Variants in NLGN1 observed in about 807,000 individuals in gnomAD.
The protein encoded by NLGN1 is neuroligin-1.
A neutral mutation model predicts 65.5 loss-of-function variants in NLGN1; 12 were observed. The observed-to-expected ratio is 0.18, with a 90% CI of 0.12 to 0.30. The LOEUF (loss-of-function observed/expected upper bound fraction) is 0.30. Ranked by LOEUF, NLGN1 falls within the 10% of genes least tolerant of loss-of-function variation. The pLI is 1.00. For missense variants in NLGN1, 750 were observed against 1,007.1 expected (o/e 0.74, Z 3.46); for synonymous variants, 350 against 359.5 (o/e 0.97, Z 0.30).
chr3:173,748,047 A>G (rs1472098329), intron 3 of NLGN1, among the ~76,000 whole-genome samples: 4 of 151,604 alleles, frequency 2.6e-5, no homozygotes, highest in Non-Finnish European at 5.9e-5. Context: ...TGATCTGCCC[A>G]TCTCTACCTC....
intron 3 of NLGN1, among the ~76,000 whole-genome samples, chr3:173,674,956 G>A (rs920287170): frequency 6.6e-6 from 1 of 151,906 alleles, no homozygotes; most frequent in African/African-American, 2.4e-5. Flanking sequence ...GTTTCTGTAT[G>A]ATAAGATTAT....
At chr3:173,472,404 T>A (rs888435200) in intron 2 of NLGN1, among the ~76,000 whole-genome samples, 2 of 152,118 alleles carry the variant, frequency 1.3e-5, no homozygotes, top group Non-Finnish European at 2.9e-5. Flanking sequence ...GTATAGAAAG[T>A]TTAAATGTGA....
intron 4 of NLGN1, among the ~76,000 whole-genome samples, chr3:173,993,581 G>A (rs937500548): frequency 4.6e-5 from 7 of 152,020 alleles, no homozygotes; most frequent in Non-Finnish European, 1.5e-5. Flanking sequence ...GCAGGTCCCA[G>A]ACATGTTTGT....
intron 4 of NLGN1, among the ~76,000 whole-genome samples, chr3:174,194,493 C>A: frequency 6.6e-6 from 1 of 151,502 alleles, no homozygotes; most frequent in Non-Finnish European, 1.5e-5. Flanking sequence ...CTCCATCATT[C>A]TTTTGTGACA....
intron 4 of NLGN1, among the ~76,000 whole-genome samples, chr3:174,115,446 A>T (rs1312195175): frequency 6.6e-6 from 1 of 152,178 alleles, no homozygotes; most frequent in Non-Finnish European, 1.5e-5. Context: ...CTTCTGCATT[A>T]CCCTAAGCAA....
intron 3 of NLGN1, among the ~76,000 whole-genome samples, chr3:173,752,394 T>G (rs1316483389): frequency 6.6e-6 from 1 of 152,018 alleles, no homozygotes; most frequent in Non-Finnish European, 1.5e-5. Flanking sequence ...CAGAGATCCC[T>G]CCCTGATCTT....
chr3:173,397,435 T>G (rs866702473), upstream of NLGN1, among the ~76,000 whole-genome samples: 3 of 151,816 alleles, frequency 2.0e-5, no homozygotes, highest in South Asian at 6.2e-4. Flanking sequence ...TCTTCTTCTG[T>G]GCCGCTAACC....
intron 3 of NLGN1, among the ~76,000 whole-genome samples, chr3:173,618,427 C>G (rs1044100879): frequency 6.6e-6 from 1 of 152,102 alleles, no homozygotes; most frequent in Non-Finnish European, 1.5e-5. Flanking sequence ...TAACTGCTGA[C>G]TGCAAGCGAT....
At position 173,604,493 on chromosome 3, in the gene NLGN1, C is replaced by T. The variant is rs1577489521; in HGVS notation, c.-106C>T. The stretch of plus-strand genomic sequence containing the variant: ...TCAGAGCTTTTCTCGACAAGCTCCC[C>T]TGTAAGAAATCGGAGGTATATTCTA... On this transcript the variant is annotated 5_prime_UTR_variant, in exon 3 of 7. Transcript: ENST00000457714. 2.5e-5 allele frequency: 31 copies of T among 1,256,084 alleles called. No individual in the cohort carries two copies. In the South Asian group the frequency reaches 4.0e-4, roughly 16 times the overall value. 77.8% of individuals were successfully genotyped at this position (1,256,084 alleles called of 1,614,324 possible). A position where few individuals can be genotyped will look rare whatever the true frequency, so the allele number is the denominator to read the frequency against.
intron 4 of NLGN1, among the ~76,000 whole-genome samples, chr3:174,179,078 C>T (rs1729937723): frequency 6.6e-6 from 1 of 151,994 alleles, no homozygotes; most frequent in Admixed American, 6.6e-5. Context: ...CAAAGGTTGT[C>T]ATTAGATTTC....
At chr3:174,003,988 A>G (rs911993335) in intron 4 of NLGN1, among the ~76,000 whole-genome samples, 3 of 152,146 alleles carry the variant, frequency 2.0e-5, no homozygotes, top group African/African-American at 7.2e-5. Flanking sequence ...GCTGGAATAA[A>G]CTTTATAAGT....
chr3:173,439,532 C>CAA (rs200232920), intron 2 of NLGN1, among the ~76,000 whole-genome samples: 23,962 of 122,708 alleles, frequency 0.2, 2,900 homozygotes, highest in African/African-American at 0.39. Flanking sequence ...CATTCACCTG[C>CAA]AAAAAAAAAA....
chr3:173,749,329 A>G (rs1335832550), intron 3 of NLGN1, among the ~76,000 whole-genome samples: 1 of 152,080 alleles, frequency 6.6e-6, no homozygotes, highest in African/African-American at 2.4e-5. Context: ...AGGTGTCAGG[A>G]GCCCTATTGG....
intron 2 of NLGN1, among the ~76,000 whole-genome samples, chr3:173,526,135 G>A (rs2149160717): frequency 6.6e-6 from 1 of 152,136 alleles, no homozygotes; most frequent in African/African-American, 2.4e-5. Flanking sequence ...TAGTATCTAT[G>A]GGTCTGTGTA....
chr3:173,769,763 A>G (rs1673769913), intron 3 of NLGN1, among the ~76,000 whole-genome samples: 1 of 152,210 alleles, frequency 6.6e-6, no homozygotes, highest in Non-Finnish European at 1.5e-5. Context: ...TTCTGAATTC[A>G]TATGCCAGTG....
chr3:173,660,097 G>A (rs1760699407), intron 3 of NLGN1, among the ~76,000 whole-genome samples: 1 of 27,814 alleles, frequency 3.6e-5, no homozygotes, highest in Admixed American at 4.4e-4. Flanking sequence ...AAAATGAGTG[G>A]TTATTCTTGC....
chr3:173,765,098 G>A (rs961996597), intron 3 of NLGN1, among the ~76,000 whole-genome samples: 6 of 126,006 alleles, frequency 4.8e-5, no homozygotes, highest in African/African-American at 1.3e-4. Flanking sequence ...GTGTGTGTGT[G>A]TATGTATGCA....
chr3:173,991,813 T>C (rs1721182479), intron 4 of NLGN1, among the ~76,000 whole-genome samples: 1 of 152,042 alleles, frequency 6.6e-6, no homozygotes, highest in South Asian at 2.1e-4. Flanking sequence ...TTGTTGTTGT[T>C]GTTTGTTTGT....
intron 4 of NLGN1, among the ~76,000 whole-genome samples, chr3:173,821,030 C>T (rs1720182300): frequency 6.6e-6 from 1 of 152,060 alleles, no homozygotes; most frequent in Admixed American, 6.6e-5. Flanking sequence ...CCCTGATTAC[C>T]CTCACACCCA....
Sources: gnomAD v4.1 joint callset for allele counts (sites outside exome capture counted in the v4.1 genomes callset) on GRCh38, gnomAD v4.1.1 for gene constraint, MANE v1.5 for transcripts, NCBI Gene and HGNC (gene_info 2026-07-23, HGNC 2026-07-21) for gene names.